The following PPIP5K2 variants were observed in gnomAD, a reference collection of about 807,000 sequenced individuals.
The protein encoded by PPIP5K2 is inositol hexakisphosphate and diphosphoinositol-pentakisphosphate kinase 2.
PPIP5K2 carries 105 observed loss-of-function variants against 154.6 expected under a neutral mutation model. That is an observed-to-expected ratio of 0.68 (90% CI 0.58 to 0.80). The LOEUF (loss-of-function observed/expected upper bound fraction) is 0.80. PPIP5K2 is among the 30% of genes least tolerant of loss of function. The pLI, the probability that PPIP5K2 is intolerant of heterozygous loss-of-function variation, is 0.00. For missense variants in PPIP5K2, 992 were observed against 1,504.6 expected (o/e 0.66, Z 5.64); for synonymous variants, 480 against 490.3 (o/e 0.98, Z 0.28).
chr5:103,142,268 CT>C (rs1792874740), intron 5 of PPIP5K2, among the ~76,000 whole-genome samples: 3 of 152,222 alleles, frequency 2.0e-5, no homozygotes, highest in Admixed American at 6.5e-5. Context: ...TCCGCAGCCA[CT>C]GGCCCGGGTG....
chr5:103,131,209 T>C (rs782326840), intron 2 of PPIP5K2, among the ~76,000 whole-genome samples: 34 of 152,148 alleles, frequency 2.2e-4, no homozygotes, highest in Non-Finnish European at 4.3e-4. Context: ...CCATGGGGGA[T>C]TGGTTCTAGG....
Position 103,194,774 on chromosome 5 carries a change from CT to C in PPIP5K2, c.3494-124del, listed in dbSNP as rs200725440. The stretch of plus-strand genomic sequence containing the variant: ...AAAAAGGTGATTTTGCTGAATTTAC[CT>C]TGACCATTTTCTTCTGTTATTATGA... On this transcript the variant is annotated intron_variant, in intron 29 of 30. Transcript: ENST00000358359. 1.3e-3 allele frequency: 1,442 copies of C among 1,074,358 alleles called. 15 individuals are homozygous for C. The African/African-American group carries it at 0.02, about 15-fold the overall frequency. The allele number at this position is 1,074,358 out of a possible 1,614,324, so 66.6% of individuals were successfully genotyped here. A position where few individuals can be genotyped will look rare whatever the true frequency, so the allele number is the denominator to read the frequency against.
rs1180656580 is a variant in PPIP5K2, at chr5:103,212,544, T to C, written c.*10910T>C. The C allele has an allele frequency of 6.6e-6, 1 of 152,124 alleles. No homozygotes were observed. The highest frequency in any genetic ancestry group is 2.4e-5 in the African/African-American group (1 of 41,444). 9.4% of individuals were successfully genotyped at this position (152,124 alleles called of 1,614,324 possible). A position where few individuals can be genotyped will look rare whatever the true frequency, so the allele number is the denominator to read the frequency against. The stretch of plus-strand genomic sequence containing the variant: ...GCTGGCCTTTAATGGAAGGCTTTAA[T>C]TTAGGGAACTTAAAGAATTTCATAA... On this transcript the variant is annotated 3_prime_UTR_variant, in exon 31 of 31. Transcript: ENST00000358359.
Position 103,207,855 on chromosome 5 carries a change from T to C in PPIP5K2, c.*6221T>C, listed in dbSNP as rs2149887533. Reference sequence around the variant, plus strand: ...TGTGCTCAGCTGATTCATTCTTTCCTGTTGAGTGGTTTTTATCTGCTAATT... The same window carrying C: ...TGTGCTCAGCTGATTCATTCTTTCCCGTTGAGTGGTTTTTATCTGCTAATT... On this transcript the variant is annotated 3_prime_UTR_variant, in exon 31 of 31. Coordinates refer to ENST00000358359, the MANE Select transcript of PPIP5K2 (RefSeq NM_001276277.3). The C allele has an allele frequency of 6.6e-6, 1 of 152,246 alleles. No individual in the cohort carries two copies. Among genetic ancestry groups the C allele is most frequent in the African/African-American group, 2.4e-5 (1 of 41,572 alleles). 9.4% of individuals were successfully genotyped at this position (152,246 alleles called of 1,614,324 possible).
At chr5:103,164,365 A>G (rs1436068314) in intron 17 of PPIP5K2, among the ~76,000 whole-genome samples, 2 of 151,854 alleles carry the variant, frequency 1.3e-5, no homozygotes, top group Non-Finnish European at 2.9e-5. Context: ...ATTAATTCTC[A>G]TTGCTTAATA....
chr5:103,146,910 A>G (rs1562405763), intron 6 of PPIP5K2, among the ~76,000 whole-genome samples: 1 of 151,958 alleles, frequency 6.6e-6, no homozygotes, highest in Non-Finnish European at 1.5e-5. Flanking sequence ...AAGATACTTG[A>G]CTTTTCTTTT....
chr5:103,158,907 C>A (rs1554214644), intron 16 of PPIP5K2, among the ~76,000 whole-genome samples: 1 of 151,926 alleles, frequency 6.6e-6, no homozygotes, highest in Non-Finnish European at 1.5e-5. Flanking sequence ...CTACCGCAGG[C>A]AACAGTGTCA....
chr5:103,129,136 A>AT (rs1269700560), intron 1 of PPIP5K2, among the ~76,000 whole-genome samples, 170 bp from the exon 2 acceptor site: 9 of 151,952 alleles, frequency 5.9e-5, no homozygotes, highest in Non-Finnish European at 1.3e-4. Flanking sequence ...TAGTTTCTTA[A>AT]TTTTTTTGCT....
chr5:103,179,607 C>G (rs1187132880), intron 23 of PPIP5K2, among the ~76,000 whole-genome samples: 2 of 151,998 alleles, frequency 1.3e-5, no homozygotes, highest in Non-Finnish European at 2.9e-5. Flanking sequence ...TTTAAATATT[C>G]TAAAATATAT....
chr5:103,127,681 A>G (rs1261865681), intron 1 of PPIP5K2, among the ~76,000 whole-genome samples: 1 of 152,196 alleles, frequency 6.6e-6, no homozygotes, highest in African/African-American at 2.4e-5. Context: ...ACAGGGTTAC[A>G]GGGTGTTACT....
intron 5 of PPIP5K2, among the ~76,000 whole-genome samples, chr5:103,144,912 G>T (rs1793481783): frequency 6.6e-6 from 1 of 151,980 alleles, no homozygotes; most frequent in African/African-American, 2.4e-5. Flanking sequence ...ATATACCAAT[G>T]GGATCATATC....
At chr5:103,149,730 G>A (rs1200176597) in intron 8 of PPIP5K2, among the ~76,000 whole-genome samples, 1 of 147,754 alleles carries the variant, frequency 6.8e-6, no homozygotes, top group African/African-American at 2.5e-5. Flanking sequence ...ACGGAGTCTC[G>A]CTGTCACCCA....
rs782513397 is a variant in PPIP5K2, at chr5:103,136,724, G to A, written c.311-8G>A. ...AATACAGAATATGTTAATAATATGT[G>A]TTCTTAGGATTTCCACTGGACAAAG... On this transcript the variant is annotated splice_region_variant and splice_polypyrimidine_tract_variant and intron_variant, in intron 3 of 30. Coordinates refer to ENST00000358359, the MANE Select transcript of PPIP5K2 (RefSeq NM_001276277.3). The A allele has an allele frequency of 1.2e-6, 2 of 1,603,494 alleles. No homozygotes were observed. The highest frequency in any genetic ancestry group is 1.7e-4 in the Middle Eastern group (1 of 6,040).
In PPIP5K2 at chr5:103,167,236, G is replaced by A. The variant is rs1554218176; in HGVS notation, c.1978G>A (p.Val660Met). 3 of 1,596,230 alleles carry A rather than the reference G, an allele frequency of 1.9e-6. No homozygotes were observed. The highest frequency in any genetic ancestry group is 2.3e-5 in the East Asian group (1 of 44,358). Residue 660 changes from valine (V) to methionine (M), a missense_variant, in exon 18 of 31, where the codon GTG (valine) becomes ATG (methionine). Coordinates refer to ENST00000358359, the MANE Select transcript of PPIP5K2 (RefSeq NM_001276277.3). Reference protein sequence around the residue: ...IKSMHLIKNPVKTCDKVYSLI... With the variant: ...IKSMHLIKNPMKTCDKVYSLI... ...ATCAATGCATTTAATTAAAAACCCT[G>A]TGAAGACCTGTGATAAAGTTTATTC...
Position 103,211,333 on chromosome 5 carries a change from A to C in PPIP5K2, c.*9699A>C, listed in dbSNP as rs1554232573. 1.3e-5 allele frequency: 2 copies of C among 152,120 alleles called. No individual in the cohort carries two copies. Among genetic ancestry groups the C allele is most frequent in the Admixed American group, 6.6e-5 (1 of 15,254 alleles). 9.4% of individuals were successfully genotyped at this position (152,120 alleles called of 1,614,324 possible). A position where few individuals can be genotyped will look rare whatever the true frequency, so the allele number is the denominator to read the frequency against. ...ATTTTGACCACTCCTCCCTCAAAAA[A>C]AATTGTCCCTAGAAAACTAGAGTGA... is the stretch of plus-strand genomic sequence containing the variant. On this transcript the variant is annotated 3_prime_UTR_variant, in exon 31 of 31. Transcript: ENST00000358359.
rs184583231 is a variant in PPIP5K2, at chr5:103,202,257, T to G, written c.*623T>G. On this transcript the variant is annotated 3_prime_UTR_variant, in exon 31 of 31. Transcript: ENST00000358359. Reference sequence around the variant, plus strand: ...CATATGCAGCTGGGAGAACTACACCTTTGTGCACATAGATTTATATATTAA... The same window carrying G: ...CATATGCAGCTGGGAGAACTACACCGTTGTGCACATAGATTTATATATTAA... The G allele has an allele frequency of 6.2e-4, 94 of 152,766 alleles. No individual in the cohort carries two copies. The highest frequency in any genetic ancestry group is 2.1e-3 in the African/African-American group (87 of 41,588). 9.5% of individuals were successfully genotyped at this position (152,766 alleles called of 1,614,324 possible).
Position 103,212,167 on chromosome 5 carries a change from G to T in PPIP5K2, c.*10533G>T, listed in dbSNP as rs1803840902. ...ATTCACAAAGGAGGGAGCAGGAAAGGGTTTCTCTTGACTGGACCACAAATA... is the reference window on the plus strand; with the variant it reads ...ATTCACAAAGGAGGGAGCAGGAAAGTGTTTCTCTTGACTGGACCACAAATA... On this transcript the variant is annotated 3_prime_UTR_variant, in exon 31 of 31. Transcript: ENST00000358359. The T allele has an allele frequency of 6.6e-6, 1 of 151,988 alleles. No homozygotes were observed. The highest frequency in any genetic ancestry group is 2.1e-4 in the South Asian group (1 of 4,836). 9.4% of individuals were successfully genotyped at this position (151,988 alleles called of 1,614,324 possible).
rs1794207892 is a variant in PPIP5K2 at position 103,149,169 on chromosome 5, A to G, written c.762A>G (p.Pro254=). ...TGTGAAAGGTTTATACAGTGGGTCCAGATTATGCCCATGCTGAAGCTCGAA... is the reference window on the plus strand; with the variant it reads ...TGTGAAAGGTTTATACAGTGGGTCCGGATTATGCCCATGCTGAAGCTCGAA... The part of the protein sequence containing the change: ...GTDVKVYTVG[P]DYAHAEARKS... Residue 254 remains proline, a synonymous_variant, in exon 8 of 31, where the codon CCA becomes CCG. Coordinates refer to ENST00000358359, the MANE Select transcript of PPIP5K2 (RefSeq NM_001276277.3). The G allele has an allele frequency of 1.2e-6, 2 of 1,613,346 alleles. No individual in the cohort carries two copies. Among genetic ancestry groups the G allele is most frequent in the African/African-American group, 1.3e-5 (1 of 74,920 alleles).
chr5:103,148,162 T>C (rs1172676274), intron 7 of PPIP5K2, 130 bp downstream of exon 7: 1 of 734,598 alleles, frequency 1.4e-6, no homozygotes, highest in Non-Finnish European at 2.4e-6. Context: ...GGATTCCTCA[T>C]GTTTTGTAAC....
Sources: gnomAD v4.1 joint callset for allele counts (sites outside exome capture counted in the v4.1 genomes callset) on GRCh38, gnomAD v4.1.1 for gene constraint, MANE v1.5 for transcripts, NCBI Gene and HGNC (gene_info 2026-07-23, HGNC 2026-07-21) for gene names.